Variants in PCDHA10 observed in about 807,000 individuals in gnomAD.
PCDHA10 encodes the protein protocadherin alpha-10.
Under a neutral mutation model 61.2 loss-of-function variants are expected in PCDHA10, and 45 were observed. The observed-to-expected ratio is 0.74, with a 90% CI of 0.58 to 0.94. The LOEUF is 0.94. Among genes scored for constraint, PCDHA10 ranks in the 40% least tolerant of loss-of-function variants. The pLI, the probability that PCDHA10 is intolerant of heterozygous loss-of-function variation, is 0.00. For missense variants in PCDHA10, 1,278 were observed against 1,236.2 expected, an observed-to-expected ratio of 1.03 and a Z score of -0.51; for synonymous variants, 602 against 548.8, an observed-to-expected ratio of 1.10 and a Z score of -1.35.
intron 3 of PCDHA10, among the ~76,000 whole-genome samples, chr5:140,987,520 G>T (rs1221115195): frequency 2.0e-5 from 3 of 152,106 alleles, no homozygotes; most frequent in Non-Finnish European, 4.4e-5. Context: ...CTCAGTAATT[G>T]TATGTTCCTG....
At chr5:140,899,575 G>C (rs1347901369) in intron 1 of PCDHA10, among the ~76,000 whole-genome samples, 1 of 152,086 alleles carries the variant, frequency 6.6e-6, no homozygotes, top group African/African-American at 2.4e-5. Flanking sequence ...TGCTGGATTC[G>C]GTTTGCCAGT....
chr5:140,885,290 A>G (rs1344746797), intron 1 of PCDHA10, among the ~76,000 whole-genome samples: 2 of 152,190 alleles, frequency 1.3e-5, no homozygotes, highest in African/African-American at 4.8e-5. Context: ...ATATATAGAG[A>G]GAGACCTGGT....
chr5:140,860,192 C>CATATAT (rs143984774), intron 1 of PCDHA10: 2 of 146,816 alleles, frequency 1.4e-5, no homozygotes, highest in African/African-American at 5.0e-5. Context: ...GCTCTCCTTA[C>CATATAT]ATATATATCT....
At chr5:140,917,332 G>GC (rs1293292013) in intron 1 of PCDHA10, among the ~76,000 whole-genome samples, 1 of 145,540 alleles carries the variant, frequency 6.9e-6, no homozygotes, top group Non-Finnish European at 1.5e-5. Flanking sequence ...GGCGGGGGAG[G>GC]GGGGGGATGG....
intron 1 of PCDHA10, chr5:140,929,631 A>G (rs1584645197): frequency 2.6e-6 from 1 of 386,808 alleles, no homozygotes; most frequent in Non-Finnish European, 4.7e-6. Flanking sequence ...TTTATAAGCA[A>G]CAGATGTGTA....
At chr5:140,903,429 G>T (rs782504374) in intron 1 of PCDHA10, among the ~76,000 whole-genome samples, 2 of 152,180 alleles carry the variant, frequency 1.3e-5, no homozygotes, top group South Asian at 4.1e-4. Context: ...AGCACAATAT[G>T]TATCAGTGGA....
At chr5:140,869,771 C>T (rs1554163429) in intron 1 of PCDHA10, 11 of 1,613,176 alleles carry the variant, frequency 6.8e-6, no homozygotes, top group Middle Eastern at 1.6e-4. Flanking sequence ...CCAGAGCTTA[C>T]TGGCACCGTT....
chr5:140,935,526 T>C (rs558710371), intron 1 of PCDHA10, among the ~76,000 whole-genome samples: 3 of 152,232 alleles, frequency 2.0e-5, no homozygotes, highest in Non-Finnish European at 4.4e-5. Flanking sequence ...GCATGTACAG[T>C]CAAATTATTG....
chr5:140,926,766 C>A (rs950499262), intron 1 of PCDHA10: 34 of 1,343,396 alleles, frequency 2.5e-5, no homozygotes, highest in Non-Finnish European at 3.3e-5. Context: ...GAGTATCCAG[C>A]CCGCAGCAGT....
At chr5:140,925,124 A>AGGAAGG (rs1554202565) in intron 1 of PCDHA10, among the ~76,000 whole-genome samples, 1 of 151,852 alleles carries the variant, frequency 6.6e-6, no homozygotes, top group South Asian at 2.1e-4. Context: ...GAAGGAAGGA[A>AGGAAGG]AAAAAATTTC....
At chr5:140,876,360 T>C in intron 1 of PCDHA10, 1 of 1,613,962 alleles carries the variant, frequency 6.2e-7, no homozygotes, top group Non-Finnish European at 8.5e-7. Context: ...TTTCAATAAA[T>C]CCAGACACAG....
intron 3 of PCDHA10, among the ~76,000 whole-genome samples, chr5:141,000,391 C>CTATATA (rs2097912428): frequency 7.1e-5 from 4 of 56,662 alleles, no homozygotes; most frequent in Non-Finnish European, 1.2e-4. Flanking sequence ...CTCTCTCTCT[C>CTATATA]TCTCTATATA....
chr5:140,877,015 G>A, intron 1 of PCDHA10: 1 of 1,612,474 alleles, frequency 6.2e-7, no homozygotes, highest in Non-Finnish European at 8.5e-7. Context: ...CGCGGAGAGC[G>A]GCAAGGTGTA....
chr5:140,869,439 G>A (rs1554163055), intron 1 of PCDHA10: 1 of 1,614,212 alleles, frequency 6.2e-7, no homozygotes. Flanking sequence ...TCGTGGACAG[G>A]CCGCTGCAGG....
intron 1 of PCDHA10, chr5:140,967,008 A>C: frequency 6.2e-7 from 1 of 1,606,216 alleles, no homozygotes. Context: ...CGCATCAACC[A>C]TCTGGGTGCG....
intron 3 of PCDHA10, among the ~76,000 whole-genome samples, chr5:141,008,567 T>C (rs1171779674): frequency 1.3e-5 from 2 of 152,182 alleles, no homozygotes; most frequent in African/African-American, 4.8e-5. Flanking sequence ...TGCATAATCA[T>C]TTTCCCAAGA....
At chr5:141,003,502 G>C (rs1384211644) in intron 3 of PCDHA10, among the ~76,000 whole-genome samples, 3 of 151,992 alleles carry the variant, frequency 2.0e-5, no homozygotes, top group African/African-American at 2.4e-5. Context: ...TAGTAGAGAT[G>C]GGGTTTCACC....
At chr5:140,863,033 C>T (rs1554157551) in intron 1 of PCDHA10, 1 of 557,426 alleles carries the variant, frequency 1.8e-6, no homozygotes, top group Admixed American at 1.9e-5. Context: ...GCAACAGCTG[C>T]ATCTGTCAGC....
At chr5:140,864,639 A>C (rs2048553058) in intron 1 of PCDHA10, 1 of 152,238 alleles carries the variant, frequency 6.6e-6, no homozygotes, top group South Asian at 2.1e-4. Flanking sequence ...ACAAAACAAA[A>C]CAATGTCAGC....
Sources: gnomAD v4.1 joint callset for allele counts (sites outside exome capture counted in the v4.1 genomes callset) on GRCh38, gnomAD v4.1.1 for gene constraint, MANE v1.5 for transcripts, NCBI Gene and HGNC (gene_info 2026-07-23, HGNC 2026-07-21) for gene names.